Variants in ARHGAP6 observed in about 807,000 individuals in gnomAD.
The protein encoded by ARHGAP6 is rho GTPase-activating protein 6.
In ARHGAP6, 16 loss-of-function variants were observed where a neutral mutation model predicts 55.7. That is an observed-to-expected ratio of 0.29 (90% confidence interval 0.19 to 0.44). ARHGAP6 has a LOEUF of 0.44. ARHGAP6 is among the 20% of genes least tolerant of loss of function. The pLI is 1.00. For missense variants in ARHGAP6, 698 were observed against 808.9 expected, an observed-to-expected ratio of 0.86 and a Z score of 1.66; for synonymous variants, 382 against 360.9, an observed-to-expected ratio of 1.06 and a Z score of -0.66.
chrX:11,490,789 G>A (rs1487074315), intron 1 of ARHGAP6, among the ~76,000 whole-genome samples: 1 of 111,963 alleles, frequency 8.9e-6, no homozygotes, highest in Non-Finnish European at 1.9e-5. Flanking sequence ...TCAAATAATG[G>A]GTGGGAGGTA....
chrX:11,586,781 T>C (rs752950834), intron 1 of ARHGAP6, among the ~76,000 whole-genome samples: 7 of 112,385 alleles, frequency 6.2e-5, no homozygotes, highest in South Asian at 7.4e-4. Context: ...ATTTTCACGA[T>C]ATTGATTCTT....
chrX:11,601,582 C>T (rs2051973943), intron 1 of ARHGAP6, among the ~76,000 whole-genome samples: 1 of 112,050 alleles, frequency 8.9e-6, no homozygotes, highest in Admixed American at 9.5e-5. Flanking sequence ...TAAAAGCATG[C>T]TATGGATATT....
chrX:11,647,325 G>T (rs745836952), intron 1 of ARHGAP6, among the ~76,000 whole-genome samples: 2 of 112,194 alleles, frequency 1.8e-5, no homozygotes, highest in Non-Finnish European at 3.8e-5. Context: ...TGTACTCAAA[G>T]CTTAGCTCTT....
chrX:11,393,553 A>G (rs142037866), intron 1 of ARHGAP6, among the ~76,000 whole-genome samples: 1,402 of 112,154 alleles, frequency 0.013, 23 homozygotes, highest in African/African-American at 0.042. Flanking sequence ...ATATCTGTAC[A>G]TAACAGAATC....
At chrX:11,539,831 A>T (rs189724655) in intron 1 of ARHGAP6, among the ~76,000 whole-genome samples, 7 of 112,150 alleles carry the variant, frequency 6.2e-5, no homozygotes, top group South Asian at 7.5e-4. Flanking sequence ...AAGTCTATAA[A>T]CAGCTCTTTT....
chrX:11,155,424 C>G (rs12011497), intron 10 of ARHGAP6, among the ~76,000 whole-genome samples: 36 of 111,133 alleles, frequency 3.2e-4, no homozygotes, highest in African/African-American at 1.0e-3. Context: ...CTCAGCCTCA[C>G]GAGTAGCTGG....
intron 1 of ARHGAP6, among the ~76,000 whole-genome samples, chrX:11,493,811 G>C (rs1277408341): frequency 1.9e-5 from 2 of 104,887 alleles, no homozygotes; most frequent in Admixed American, 1.1e-4. Flanking sequence ...GGTTATGTAA[G>C]ATTTCCCATA....
intron 1 of ARHGAP6, among the ~76,000 whole-genome samples, chrX:11,526,879 T>TTAGTAA (rs769010995): frequency 3.0e-4 from 33 of 111,816 alleles, no homozygotes; most frequent in Admixed American, 1.1e-3. Flanking sequence ...ATTACCATGC[T>TTAGTAA]TAGTAATTCT....
rs768163619 is a variant in ARHGAP6, at chrX:11,196,915, T to C, written c.820+10A>G. 9.0e-6 allele frequency: 9 copies of C among 997,740 alleles called. No individual in the cohort carries two copies. The East Asian group carries it at 2.1e-4, about 24-fold the overall frequency. 82.2% of individuals were successfully genotyped at this position (997,740 alleles called of 1,213,427 possible). On this transcript the variant is annotated intron_variant, in intron 3 of 12. Coordinates refer to ENST00000337414, the MANE Select transcript of ARHGAP6 (RefSeq NM_013427.3). ...GAAGATGCATTTACATTGGGTACTTTACCCTTTACCTTTGTCTTTGTTTTT... is the reference window on the plus strand; with the variant it reads ...GAAGATGCATTTACATTGGGTACTTCACCCTTTACCTTTGTCTTTGTTTTT...
chrX:11,255,713 TAG>T (rs1428488093), intron 1 of ARHGAP6, among the ~76,000 whole-genome samples: 1 of 111,502 alleles, frequency 9.0e-6, no homozygotes, highest in Non-Finnish European at 1.9e-5. Flanking sequence ...TCAGTATTTA[TAG>T]AGACATTTGA....
chrX:11,343,812 G>A (rs1215258704), intron 1 of ARHGAP6, among the ~76,000 whole-genome samples: 1 of 111,576 alleles, frequency 9.0e-6, no homozygotes, highest in African/African-American at 3.3e-5. Flanking sequence ...AATTTATGTT[G>A]AGAAATAGCT....
chrX:11,172,221 G>C (rs965248409), intron 8 of ARHGAP6, among the ~76,000 whole-genome samples: 7 of 111,594 alleles, frequency 6.3e-5, no homozygotes, highest in Admixed American at 2.9e-4. Flanking sequence ...GCTGTTTTCA[G>C]GTGAATGATT....
intron 1 of ARHGAP6, among the ~76,000 whole-genome samples, chrX:11,445,637 T>C (rs1397380809): frequency 8.9e-6 from 1 of 111,846 alleles, no homozygotes; most frequent in Non-Finnish European, 1.9e-5. Context: ...TGCAACATCT[T>C]ATTAGGGCAG....
At chrX:11,275,961 C>G (rs896526956) in intron 1 of ARHGAP6, among the ~76,000 whole-genome samples, 18 of 111,563 alleles carry the variant, frequency 1.6e-4, no homozygotes, top group Non-Finnish European at 2.5e-4. Flanking sequence ...AAAACACAAA[C>G]AAGTTTACTA....
At chrX:11,596,702 T>C (rs2051907703) in intron 1 of ARHGAP6, among the ~76,000 whole-genome samples, 1 of 111,626 alleles carries the variant, frequency 9.0e-6, no homozygotes, top group African/African-American at 3.3e-5. Context: ...CCCCCAGGCT[T>C]GGAATTTGGA....
intron 1 of ARHGAP6, chrX:11,351,381 C>G (rs1348423247): frequency 1.4e-5 from 14 of 967,385 alleles, no homozygotes; most frequent in African/African-American, 6.0e-5. Flanking sequence ...AAACACCCAA[C>G]TTACAAATAT....
At chrX:11,385,301 T>A (rs1166997595) in intron 1 of ARHGAP6, among the ~76,000 whole-genome samples, 3 of 111,966 alleles carry the variant, frequency 2.7e-5, no homozygotes, top group Non-Finnish European at 5.6e-5. Context: ...AATATAATTC[T>A]AAGACCAAGG....
chrX:11,627,974 C>G (rs937928671), intron 1 of ARHGAP6, among the ~76,000 whole-genome samples: 4 of 111,773 alleles, frequency 3.6e-5, no homozygotes, highest in East Asian at 2.8e-4. Context: ...GTTTTCCAGT[C>G]AATTCACTGC....
chrX:11,297,167 A>G (rs2048100128), intron 1 of ARHGAP6, among the ~76,000 whole-genome samples: 1 of 112,228 alleles, frequency 8.9e-6, no homozygotes, highest in Non-Finnish European at 1.9e-5. Flanking sequence ...AGGATTAGGT[A>G]AGATGTTATT....
Sources: gnomAD v4.1 joint callset for allele counts (sites outside exome capture counted in the v4.1 genomes callset) on GRCh38, gnomAD v4.1.1 for gene constraint, MANE v1.5 for transcripts, NCBI Gene and HGNC (gene_info 2026-07-23, HGNC 2026-07-21) for gene names.